SAMD5: variants seen among roughly 807,000 people sequenced by gnomAD.
The protein encoded by SAMD5 is sterile alpha motif domain-containing protein 5.
In SAMD5, 13 loss-of-function variants were observed where a neutral mutation model predicts 11.3. The ratio of observed to expected loss-of-function variants is 1.15; its 90% CI spans 0.75 to 1.83. The LOEUF is 1.83. Ranked by LOEUF, SAMD5 falls within the 40% of genes most tolerant of loss-of-function variation. The pLI is 0.00. For missense variants in SAMD5, 255 were observed against 239.1 expected (o/e 1.07, Z -0.44); for synonymous variants, 129 against 111.3 (o/e 1.16, Z -1.00).
chr6:147,587,384 T>C (rs844560), intron 1 of SAMD5, among the ~76,000 whole-genome samples: 90,753 of 151,794 alleles, frequency 0.6, 27,387 homozygotes, highest in Middle Eastern at 0.65. Context: ...ATTATAGGCA[T>C]GTGCCACTGT....
intron 1 of SAMD5, among the ~76,000 whole-genome samples, chr6:147,696,846 A>C (rs987034410): frequency 3.3e-5 from 5 of 152,182 alleles, no homozygotes; most frequent in Non-Finnish European, 4.4e-5. Context: ...CTGCCTTGCC[A>C]TTGCTTATGG....
chr6:147,641,558 C>G (rs1353107124), intron 1 of SAMD5, among the ~76,000 whole-genome samples: 8 of 140,848 alleles, frequency 5.7e-5, no homozygotes, highest in Non-Finnish European at 1.1e-4. Context: ...CTCTCTTTCT[C>G]TGTCTTTAAT....
intron 1 of SAMD5, among the ~76,000 whole-genome samples, chr6:147,646,323 C>T (rs574733188): frequency 7.2e-5 from 11 of 151,946 alleles, no homozygotes; most frequent in Admixed American, 5.9e-4. Context: ...GAGGCCCTAT[C>T]GCAAAAAAAT....
At chr6:147,864,568 A>G in the SAMD5 span, among the ~76,000 whole-genome samples, 1 of 152,206 alleles carries the variant, frequency 6.6e-6, no homozygotes, top group Non-Finnish European at 1.5e-5. Flanking sequence ...GAAGGAAAAG[A>G]GCAATGCCAG....
chr6:147,781,095 A>G, the SAMD5 span, among the ~76,000 whole-genome samples: 65 of 151,946 alleles, frequency 4.3e-4, no homozygotes, highest in Non-Finnish European at 8.2e-4. Context: ...ATTTTAGGCA[A>G]TGAAAAATAA....
intron 1 of SAMD5, among the ~76,000 whole-genome samples, chr6:147,547,041 T>C (rs1788698217): frequency 6.6e-6 from 1 of 152,196 alleles, no homozygotes; most frequent in Admixed American, 6.5e-5. Context: ...GTCCTGCCTT[T>C]CCATCACTGA....
the SAMD5 span, among the ~76,000 whole-genome samples, chr6:147,859,842 G>T: frequency 6.6e-6 from 1 of 151,968 alleles, no homozygotes; most frequent in Admixed American, 6.6e-5. Flanking sequence ...GGAATTTAGG[G>T]CAATTACCTG....
the SAMD5 span, among the ~76,000 whole-genome samples, chr6:147,798,727 A>T: frequency 2.0e-5 from 3 of 152,014 alleles, no homozygotes; most frequent in Non-Finnish European, 4.4e-5. Flanking sequence ...GTCACTCAGG[A>T]CTTGCTTTAT....
At chr6:147,562,537 T>C (rs1433740058) in intron 1 of SAMD5, among the ~76,000 whole-genome samples, 1 of 152,140 alleles carries the variant, frequency 6.6e-6, no homozygotes, top group Non-Finnish European at 1.5e-5. Flanking sequence ...AAAACCAAAG[T>C]GTTGGCCGGG....
chr6:147,943,275 G>T, the SAMD5 span, among the ~76,000 whole-genome samples: 1 of 152,118 alleles, frequency 6.6e-6, no homozygotes, highest in Non-Finnish European at 1.5e-5. Context: ...GTTGTTCCTT[G>T]GAAAGTTGGT....
the SAMD5 span, among the ~76,000 whole-genome samples, chr6:147,882,735 T>A: frequency 6.6e-6 from 1 of 152,232 alleles, no homozygotes; most frequent in Non-Finnish European, 1.5e-5. Context: ...ACCAATAAAA[T>A]GTTTAAAACA....
the SAMD5 span, among the ~76,000 whole-genome samples, chr6:147,800,969 T>C: frequency 6.6e-6 from 1 of 152,142 alleles, no homozygotes; most frequent in Non-Finnish European, 1.5e-5. Flanking sequence ...CTATAACCTA[T>C]TTTTATTATT....
At chr6:147,755,616 G>T in the SAMD5 span, among the ~76,000 whole-genome samples, 1 of 151,922 alleles carries the variant, frequency 6.6e-6, no homozygotes, top group East Asian at 1.9e-4. Flanking sequence ...GGCCTGCTTG[G>T]GTCAGTGGTA....
chr6:147,639,590 C>T (rs1399895579), intron 1 of SAMD5, among the ~76,000 whole-genome samples: 1 of 152,222 alleles, frequency 6.6e-6, no homozygotes, highest in East Asian at 1.9e-4. Flanking sequence ...CAACATTCTC[C>T]TCTTTTGTTA....
chr6:147,625,781 T>C (rs1790041601), intron 1 of SAMD5, among the ~76,000 whole-genome samples: 1 of 152,118 alleles, frequency 6.6e-6, no homozygotes, highest in Non-Finnish European at 1.5e-5. Flanking sequence ...ACCTAAAGTA[T>C]TTACTATCTG....
At chr6:147,650,873 A>T (rs1790473848) in intron 1 of SAMD5, among the ~76,000 whole-genome samples, 1 of 152,192 alleles carries the variant, frequency 6.6e-6, no homozygotes, top group Non-Finnish European at 1.5e-5. Flanking sequence ...CAGAAGACAG[A>T]TCTAGGTCAG....
intron 1 of SAMD5, among the ~76,000 whole-genome samples, chr6:147,530,612 G>T (rs1243287430): frequency 1.3e-5 from 2 of 152,210 alleles, no homozygotes; most frequent in African/African-American, 4.8e-5. Context: ...TGTGGTCCTT[G>T]TTGAGGTTTG....
chr6:147,786,703 G>C, the SAMD5 span, among the ~76,000 whole-genome samples: 2 of 152,190 alleles, frequency 1.3e-5, no homozygotes, highest in Non-Finnish European at 2.9e-5. Context: ...AATTACAGGA[G>C]TTGGGCTCAT....
intron 1 of SAMD5, among the ~76,000 whole-genome samples, chr6:147,543,877 A>T (rs1392658147): frequency 6.6e-6 from 1 of 152,158 alleles, no homozygotes; most frequent in Non-Finnish European, 1.5e-5. Flanking sequence ...GGAGAGTGTA[A>T]AAGACAAGCA....
Sources: allele counts gnomAD v4.1 joint callset (sites outside exome capture counted in the v4.1 genomes callset), GRCh38; gene constraint gnomAD v4.1.1; transcripts MANE v1.5; gene names NCBI Gene and HGNC (gene_info 2026-07-23, HGNC 2026-07-21).